Variants in AGBL1 observed in about 807,000 individuals in gnomAD.
AGBL1 encodes AGBL carboxypeptidase 1, also known as cytosolic carboxypeptidase 4.
Under a neutral mutation model 118.9 loss-of-function variants are expected in AGBL1, and 130 were observed. The observed-to-expected ratio is 1.09, with a 90% CI of 0.95 to 1.26. AGBL1 has a LOEUF of 1.26. AGBL1 is among the 50% of genes most tolerant of loss of function. AGBL1 has a pLI of 0.00. For synonymous variants in AGBL1, 555 were observed against 478.9 expected (o/e 1.16, Z -2.08); for missense variants, 1,584 against 1,298.1 (o/e 1.22, Z -3.38).
In AGBL1 at chr15:86,225,845, C is replaced by T. The variant is rs142871173; in HGVS notation, c.526+894C>T. Reference sequence around the variant, plus strand: ...ATAAAAATAAAAACACTCTCTCCCCCCATCCATACATCTCTGTCAACTATA... The same window carrying T: ...ATAAAAATAAAAACACTCTCTCCCCTCATCCATACATCTCTGTCAACTATA... On this transcript the variant is annotated intron_variant, in intron 6 of 22. Coordinates refer to ENST00000614907, the MANE Select transcript of AGBL1 (RefSeq NM_001386094.1). Among the ~76,000 whole-genome samples the T allele has an allele frequency of 7.9e-5, 12 of 152,266 alleles. No individual in the cohort carries two copies. The East Asian group carries it at 2.1e-3, about 27-fold the overall frequency.
chr15:86,828,432 G>A (rs1439078086), intron 22 of AGBL1, among the ~76,000 whole-genome samples: 1 of 152,010 alleles, frequency 6.6e-6, no homozygotes, highest in Non-Finnish European at 1.5e-5. Flanking sequence ...TATCCCAGTG[G>A]GCTGGATGTA....
At chr15:86,262,078 C>CTTTTTTTTTTTTTTTTTT (rs61365024) in intron 9 of AGBL1, among the ~76,000 whole-genome samples, 692 of 52,706 alleles carry the variant, frequency 0.013, 180 homozygotes, top group African/African-American at 0.027. Flanking sequence ...GCATAGCTGG[C>CTTTTTTTTTTTTTTTTTT]TTTTTTTTTT....
intron 17 of AGBL1, among the ~76,000 whole-genome samples, chr15:86,376,700 C>T (rs1319303894): frequency 6.6e-6 from 1 of 152,158 alleles, no homozygotes; most frequent in Admixed American, 6.5e-5. Flanking sequence ...TCCAGTTCCT[C>T]CAGAGCTTGG....
chr15:86,645,135 AT>A (rs1201470678), intron 21 of AGBL1, among the ~76,000 whole-genome samples: 2 of 152,238 alleles, frequency 1.3e-5, no homozygotes, highest in Non-Finnish European at 2.9e-5. Context: ...TATCTTCTTA[AT>A]GTTAAAACTT....
intron 24 of AGBL1, among the ~76,000 whole-genome samples, chr15:87,014,609 G>A (rs2081591786): frequency 6.6e-6 from 1 of 152,184 alleles, no homozygotes; most frequent in Admixed American, 6.6e-5. Context: ...CAGATTAACG[G>A]ATATGTGCTT....
intron 21 of AGBL1, among the ~76,000 whole-genome samples, chr15:86,586,716 GT>G (rs1264592903): frequency 2.6e-5 from 4 of 152,134 alleles, no homozygotes; most frequent in African/African-American, 9.7e-5. Context: ...GTATACAATA[GT>G]TTGGTCTGAA....
intron 16 of AGBL1, among the ~76,000 whole-genome samples, chr15:86,291,839 A>G (rs963167122): frequency 6.6e-6 from 1 of 152,204 alleles, no homozygotes; most frequent in Non-Finnish European, 1.5e-5. Context: ...ATGCAGGTGC[A>G]TCTCATCAAT....
At chr15:86,284,385 A>G (rs2141733634) in intron 16 of AGBL1, among the ~76,000 whole-genome samples, 1 of 152,308 alleles carries the variant, frequency 6.6e-6, no homozygotes, top group East Asian at 1.9e-4. Flanking sequence ...CTGTGAGTAG[A>G]TATCTAGAGA....
At chr15:86,120,837 C>T (rs1484057244) in intron 1 of AGBL1, among the ~76,000 whole-genome samples, 4 of 151,988 alleles carry the variant, frequency 2.6e-5, no homozygotes. Flanking sequence ...CTTTTGGGCT[C>T]ATGTATTTCC....
intron 21 of AGBL1, chr15:86,556,087 TCAAA>T: frequency 3.2e-6 from 2 of 626,680 alleles, no homozygotes; most frequent in Non-Finnish European, 5.5e-6. Context: ...AAGCACCAAT[TCAAA>T]CAAACAGCTT....
intron 5 of AGBL1, among the ~76,000 whole-genome samples, chr15:86,219,000 T>C (rs533487617): frequency 6.6e-6 from 1 of 152,358 alleles, no homozygotes; most frequent in South Asian, 2.1e-4. Flanking sequence ...GCTGCTACAA[T>C]TGTGGTAACA....
At chr15:86,528,198 G>C (rs532876608) in intron 19 of AGBL1, among the ~76,000 whole-genome samples, 3 of 152,144 alleles carry the variant, frequency 2.0e-5, no homozygotes, top group East Asian at 3.9e-4. Context: ...CTGAGGTACC[G>C]GGTTCATCTC....
chr15:86,718,841 C>G (rs1268081420), intron 22 of AGBL1, among the ~76,000 whole-genome samples: 1 of 152,078 alleles, frequency 6.6e-6, no homozygotes, highest in Non-Finnish European at 1.5e-5. Context: ...TTTTGGGGAA[C>G]AAGAGAACAA....
At chr15:86,397,679 C>A in intron 18 of AGBL1, 133 bp downstream of exon 18, 1 of 810,150 alleles carries the variant, frequency 1.2e-6, no homozygotes, top group Non-Finnish European at 1.9e-6. Context: ...CTGTTTTCTG[C>A]TACAAATAAC....
intron 1 of AGBL1, among the ~76,000 whole-genome samples, chr15:86,115,289 C>G (rs1897684553): frequency 6.6e-6 from 1 of 152,186 alleles, no homozygotes; most frequent in Non-Finnish European, 1.5e-5. Context: ...ACAGCAACAT[C>G]CACTTTATTC....
chr15:86,722,480 T>C (rs1344007774), intron 22 of AGBL1, among the ~76,000 whole-genome samples: 1 of 152,154 alleles, frequency 6.6e-6, no homozygotes, highest in Non-Finnish European at 1.5e-5. Context: ...CTGGATCCCT[T>C]CCTTACACCT....
intron 22 of AGBL1, among the ~76,000 whole-genome samples, chr15:86,874,545 A>C (rs987544299): frequency 6.6e-6 from 1 of 152,106 alleles, no homozygotes; most frequent in Non-Finnish European, 1.5e-5. Context: ...GGAGTACCAG[A>C]GTGGGTACCT....
At chr15:86,936,642 A>G (rs2080679493) in intron 23 of AGBL1, among the ~76,000 whole-genome samples, 1 of 152,262 alleles carries the variant, frequency 6.6e-6, no homozygotes, top group African/African-American at 2.4e-5. Flanking sequence ...ACCATAAACA[A>G]AAATCAACAC....
rs57985975 is a variant in AGBL1 at position 87,012,192 on chromosome 15, TACACACACACACAC to T, written c.3324-16610_3324-16597del. 3.9e-4 allele frequency among the ~76,000 whole-genome samples: 55 copies of T among 142,784 alleles called. 1 individual carries two copies. In the East Asian group the frequency reaches 9.3e-3, roughly 24 times the overall value. 93.7% of individuals were successfully genotyped at this position (142,784 alleles called of 152,430 possible). A position where few individuals can be genotyped will look rare whatever the true frequency, so the allele number is the denominator to read the frequency against. ...ACTTTTCTTTGTATATACAAATTTA[TACACACACACACAC>T]ACACACACACACACACACACACGCT... is the stretch of plus-strand genomic sequence containing the variant. On this transcript the variant is annotated intron_variant, in intron 24 of 24. Coordinates refer to the AGBL1 transcript ENST00000441037.
Sources: gnomAD v4.1 joint callset for allele counts (sites outside exome capture counted in the v4.1 genomes callset) on GRCh38, gnomAD v4.1.1 for gene constraint, MANE v1.5 for transcripts, NCBI Gene and HGNC (gene_info 2026-07-23, HGNC 2026-07-21) for gene names.